The following TRIM42 variants were observed in gnomAD, a reference collection of about 807,000 sequenced individuals.
TRIM42 encodes tripartite motif-containing protein 42.
TRIM42 carries 59 observed loss-of-function variants against 64.9 expected under a neutral mutation model. That is an observed-to-expected ratio of 0.91 (90% CI 0.74 to 1.13). TRIM42 has a LOEUF of 1.13. Ranked by LOEUF, TRIM42 falls within the 50% of genes most tolerant of loss-of-function variation. The pLI, the probability that TRIM42 is intolerant of heterozygous loss-of-function variation, is 0.00. For synonymous variants in TRIM42, 354 were observed against 346.3 expected, an observed-to-expected ratio of 1.02 and a Z score of -0.25; for missense variants, 878 against 929.5, an observed-to-expected ratio of 0.94 and a Z score of 0.72.
At chr3:140,697,678 TTTG>T (rs1039406049) in intron 4 of TRIM42, among the ~76,000 whole-genome samples, 1 of 152,122 alleles carries the variant, frequency 6.6e-6, no homozygotes, top group African/African-American at 2.4e-5. Context: ...TGTTTATTTG[TTTG>T]TTTATTTTTT....
chr3:140,685,852 T>C (rs76921652), intron 2 of TRIM42, among the ~76,000 whole-genome samples: 2,683 of 152,306 alleles, frequency 0.018, 59 homozygotes, highest in East Asian at 0.12. Flanking sequence ...CTTTTTCATC[T>C]ATAAGTGGAA....
chr3:140,696,752 G>A (rs1347993236), intron 4 of TRIM42, among the ~76,000 whole-genome samples: 1 of 152,116 alleles, frequency 6.6e-6, no homozygotes. Context: ...ATACCTCTCT[G>A]TGTTTAAATT....
At chr3:140,683,826 T>A (rs1988481572) in intron 2 of TRIM42, among the ~76,000 whole-genome samples, 1 of 152,244 alleles carries the variant, frequency 6.6e-6, no homozygotes, top group Non-Finnish European at 1.5e-5. Context: ...TCATGGTGAT[T>A]TGGTTGTTTT....
chr3:140,686,698 G>A (rs536924614), intron 2 of TRIM42, among the ~76,000 whole-genome samples: 1 of 152,254 alleles, frequency 6.6e-6, no homozygotes, highest in African/African-American at 2.4e-5. Flanking sequence ...AATTTGGTAA[G>A]GATTATTGCC....
At chr3:140,684,258 G>A (rs936531799) in intron 2 of TRIM42, among the ~76,000 whole-genome samples, 1 of 152,316 alleles carries the variant, frequency 6.6e-6, no homozygotes, top group East Asian at 1.9e-4. Context: ...TTTGACTCCA[G>A]TGCCTATCAT....
intron 1 of TRIM42, among the ~76,000 whole-genome samples, chr3:140,679,701 CCTCT>C (rs556882539): frequency 1.3e-5 from 2 of 152,106 alleles, no homozygotes; most frequent in African/African-American, 4.8e-5. Flanking sequence ...TGTCCACACT[CCTCT>C]CTCAACTACC....
chr3:140,686,731 C>A (rs540979512), intron 2 of TRIM42, among the ~76,000 whole-genome samples: 5 of 152,316 alleles, frequency 3.3e-5, no homozygotes, highest in Non-Finnish European at 5.9e-5. Context: ...GAAGAGTTTA[C>A]CTTTCATGAG....
intron 1 of TRIM42, among the ~76,000 whole-genome samples, chr3:140,678,872 G>A (rs9878690): frequency 0.46 from 70,248 of 151,902 alleles, 17,250 homozygotes; most frequent in Non-Finnish European, 0.56. Flanking sequence ...GAACTTGCCA[G>A]GCACTTCATG....
chr3:140,680,138 G>A (rs1164107984), intron 1 of TRIM42, among the ~76,000 whole-genome samples: 1 of 152,124 alleles, frequency 6.6e-6, no homozygotes, highest in Non-Finnish European at 1.5e-5. Flanking sequence ...CGCTGGGCTT[G>A]ATGACTGTTT....
rs757155530 is a variant in TRIM42, at chr3:140,688,205, AC to A, written c.1527del (p.Val510CysfsTer6). On this transcript the variant is annotated frameshift_variant, in exon 3 of 5. Coordinates refer to ENST00000286349, the MANE Select transcript of TRIM42 (RefSeq NM_152616.5). LOFTEE classifies it high-confidence loss of function. ...TCAGGGGACTCCCTGCCCTCCCCCT[AC>A]CCCGTGCACTCAGAAACAATGATTG... is the stretch of plus-strand genomic sequence containing the variant. Reference protein sequence around the residue: ...RSSGDSLPSPYPVHSETMIAR... With the variant: ...RSSGDSLPSPXPVHSETMIAR... The A allele has an allele frequency of 1.2e-6, 2 of 1,613,948 alleles. No homozygotes were observed. Among genetic ancestry groups the A allele is most frequent in the Non-Finnish European group, 1.7e-6 (2 of 1,179,970 alleles).
rs773911447 is a variant in TRIM42, at chr3:140,683,178, C to T, written c.1039+19C>T. On this transcript the variant is annotated intron_variant, in intron 2 of 4. Transcript: ENST00000286349. Reference sequence around the variant, plus strand: ...AAAGCAGGTCCTCCCCTTTTCCACTCCTTCAGCCTAACTTCTAGTTCAGGA... The same window carrying T: ...AAAGCAGGTCCTCCCCTTTTCCACTTCTTCAGCCTAACTTCTAGTTCAGGA... 2 of 1,611,452 alleles carry T rather than the reference C, an allele frequency of 1.2e-6. No homozygotes were observed. Among genetic ancestry groups the T allele is most frequent in the South Asian group, 2.2e-5 (2 of 90,986 alleles).
At chr3:140,685,077 A>G (rs1988515429) in intron 2 of TRIM42, among the ~76,000 whole-genome samples, 1 of 152,248 alleles carries the variant, frequency 6.6e-6, no homozygotes, top group African/African-American at 2.4e-5. Flanking sequence ...TAAAGAATTT[A>G]ACCTTTCATC....
In TRIM42 at chr3:140,691,021, T is replaced by C. The variant is rs142517110; in HGVS notation, c.1914T>C (p.Tyr638=). ...EDVDSFEMEF[Y]EVITSPPNNV... ...TGGACTCTTTTGAGATGGAATTCTA[T>C]GAAGTCATTACTTCTCCTCCTAACA... The change falls in exon 4 of 5, where the codon TAT becomes TAC. Residue 638 remains tyrosine (Y), a synonymous_variant. Transcript: ENST00000286349. 4.6e-3 allele frequency: 7,496 copies of C among 1,614,138 alleles called. 27 individuals are homozygous for C. The highest frequency in any genetic ancestry group is 5.6e-3 in the Non-Finnish European group (6,587 of 1,179,990).
chr3:140,690,933 C>G, intron 3 of TRIM42, 35 bp from the exon 4 acceptor site: 2 of 1,520,436 alleles, frequency 1.3e-6, no homozygotes, highest in Non-Finnish European at 1.8e-6. Flanking sequence ...ATGATGTATA[C>G]TAGTACCACA....
intron 1 of TRIM42, chr3:140,680,724 G>C: frequency 2.0e-6 from 2 of 985,188 alleles, no homozygotes; most frequent in South Asian, 4.7e-5. Context: ...TGAGAACATC[G>C]AGGCCAGCAT....
At chr3:140,686,633 G>A (rs1467046138) in intron 2 of TRIM42, among the ~76,000 whole-genome samples, 1 of 152,110 alleles carries the variant, frequency 6.6e-6, no homozygotes, top group East Asian at 1.9e-4. Context: ...TATGAACCCA[G>A]GATAATGTTA....
At position 140,682,935 on chromosome 3, in the gene TRIM42, T is replaced by C. The variant is rs1320835569; in HGVS notation, c.815T>C (p.Met272Thr). The C allele has an allele frequency of 6.2e-7, 1 of 1,614,118 alleles. No individual in the cohort carries two copies. The highest frequency in any genetic ancestry group is 8.5e-7 in the Non-Finnish European group (1 of 1,180,052). ...AAGGCCTTCCACTCGGATGTGGCCA[T>C]GCAAGACCACGTCTTTGTGGACACC... ...CLKAFHSDVA[M>T]QDHVFVDTSA... The change falls in exon 2 of 5, where the codon ATG (methionine) becomes ACG (threonine). Residue 272 changes from methionine to threonine, a missense_variant. Met to Thr is a moderately conservative substitution (Grantham distance 81, BLOSUM62 -1). Coordinates refer to ENST00000286349, the MANE Select transcript of TRIM42 (RefSeq NM_152616.5).
intron 2 of TRIM42, among the ~76,000 whole-genome samples, chr3:140,686,850 T>C (rs998839315): frequency 6.6e-6 from 1 of 151,350 alleles, no homozygotes; most frequent in Admixed American, 6.5e-5. Context: ...ACCTTTCATA[T>C]AAAGCTCATT....
rs532356524 is a variant in TRIM42 at position 140,682,771 on chromosome 3, C to G, written c.651C>G (p.Arg217=). ...ENYLHGRLTK[R]YMQEHGYLKW... ...ACCTGCACGGGCGTCTCACCAAGCGCTACATGCAGGAGCACGGCTACCTCA... is the reference window on the plus strand; with the variant it reads ...ACCTGCACGGGCGTCTCACCAAGCGGTACATGCAGGAGCACGGCTACCTCA... The change falls in exon 2 of 5, where the codon CGC becomes CGG. Residue 217 remains arginine, a synonymous_variant. Coordinates refer to ENST00000286349, the MANE Select transcript of TRIM42 (RefSeq NM_152616.5). 1.2e-6 allele frequency: 2 copies of G among 1,613,494 alleles called. No individual in the cohort carries two copies. Among genetic ancestry groups the G allele is most frequent in the South Asian group, 2.2e-5 (2 of 91,084 alleles).
Sources: allele counts gnomAD v4.1 joint callset (sites outside exome capture counted in the v4.1 genomes callset), GRCh38; gene constraint gnomAD v4.1.1; transcripts MANE v1.5; gene names NCBI Gene and HGNC (gene_info 2026-07-23, HGNC 2026-07-21).